ATG7: variants seen among roughly 807,000 people sequenced by gnomAD.
The protein encoded by ATG7 is ubiquitin-like modifier-activating enzyme ATG7.
A neutral mutation model predicts 82.4 loss-of-function variants in ATG7; 70 were observed. That is an observed-to-expected ratio of 0.85 (90% CI 0.70 to 1.04). The LOEUF (loss-of-function observed/expected upper bound fraction) is 1.04, where lower values mean the gene tolerates loss of function less well. Among genes scored for constraint, ATG7 ranks in the 50% least tolerant of loss-of-function variants. The pLI, the probability that ATG7 is intolerant of heterozygous loss-of-function variation, is 0.00. For missense variants in ATG7, 792 were observed against 864.3 expected (o/e 0.92, Z 1.05); for synonymous variants, 287 against 313.0 (o/e 0.92, Z 0.88).
At chr3:11,527,190 T>C (rs1316148731) in intron 20 of ATG7, among the ~76,000 whole-genome samples, 1 of 151,888 alleles carries the variant, frequency 6.6e-6, no homozygotes, top group Non-Finnish European at 1.5e-5. Context: ...CTGCAACCTC[T>C]GCCTCCCAAG....
intron 9 of ATG7, among the ~76,000 whole-genome samples, chr3:11,316,807 A>T (rs1268917221): frequency 2.0e-5 from 3 of 152,238 alleles, no homozygotes; most frequent in Admixed American, 6.5e-5. Flanking sequence ...ATCAAAGATT[A>T]TGAGTGTTAT....
chr3:11,570,739 T>C, the ATG7 span, among the ~76,000 whole-genome samples: 1 of 152,164 alleles, frequency 6.6e-6, no homozygotes, highest in Non-Finnish European at 1.5e-5. Context: ...TAAACAGTGG[T>C]GAGATGTCTT....
rs142767171 is a variant in ATG7 at position 11,401,378 on chromosome 3, G to A, written c.1956+21326G>A. Among the ~76,000 whole-genome samples the A allele has an allele frequency of 6.6e-4, 101 of 152,116 alleles. 1 individual carries two copies. The highest frequency in any genetic ancestry group is 2.4e-3 in the African/African-American group (98 of 41,496). On this transcript the variant is annotated intron_variant, in intron 19 of 20. Transcript: ENST00000693202. ...TCCTTCAAATAATATCTTTGGTTTG[G>A]CTTATGTCAGTCAAGTATGTGTTGG...
At chr3:11,391,966 G>GC (rs1553640475) in intron 19 of ATG7, among the ~76,000 whole-genome samples, 26 of 138,478 alleles carry the variant, frequency 1.9e-4, no homozygotes, top group Non-Finnish European at 2.8e-4. Context: ...ATTGGGGGGG[G>GC]GGTAATTTCA....
chr3:11,506,703 C>T (rs2091751310), intron 20 of ATG7, among the ~76,000 whole-genome samples: 1 of 151,884 alleles, frequency 6.6e-6, no homozygotes. Flanking sequence ...GATTGTGCCA[C>T]TGCACTCCAG....
chr3:11,335,680 T>G (rs113789883), intron 11 of ATG7, among the ~76,000 whole-genome samples: 3 of 152,166 alleles, frequency 2.0e-5, no homozygotes, highest in Admixed American at 2.0e-4. Context: ...ATAAGGCTCA[T>G]GCTTGATGAT....
At chr3:11,309,796 T>C (rs1489983801) in intron 7 of ATG7, among the ~76,000 whole-genome samples, 1 of 152,202 alleles carries the variant, frequency 6.6e-6, no homozygotes, top group African/African-American at 2.4e-5. Context: ...CCTTTATTAT[T>C]ATATTGACTA....
chr3:11,341,442 CT>C lies in ATG7; in HGVS notation c.981-681del, dbSNP rs1169282258. Among the ~76,000 whole-genome samples, 183 of 143,996 alleles carry C rather than the reference CT, an allele frequency of 1.3e-3. No individual in the cohort carries two copies. In the Middle Eastern group the frequency reaches 0.015, roughly 11 times the overall value. The allele number at this position is 143,996 out of a possible 152,430, so 94.5% of individuals were successfully genotyped here. ...GTTTAAGGGCGAATCTCAGTGCACTCTTTTTTTTTTTTCTTTTTTTTTGAGA... is the reference window on the plus strand; with the variant it reads ...GTTTAAGGGCGAATCTCAGTGCACTCTTTTTTTTTTTCTTTTTTTTTGAGA... On this transcript the variant is annotated intron_variant, in intron 12 of 20. Coordinates refer to ENST00000693202, the MANE Select transcript of ATG7 (RefSeq NM_001349232.2).
At chr3:11,468,051 TTGA>T (rs1365402267) in intron 20 of ATG7, among the ~76,000 whole-genome samples, 2 of 152,222 alleles carry the variant, frequency 1.3e-5, no homozygotes, top group African/African-American at 2.4e-5. Context: ...TACTCAGCCT[TTGA>T]TGGCACAGTT....
chr3:11,512,248 G>A (rs996416475), intron 20 of ATG7, among the ~76,000 whole-genome samples: 12 of 152,020 alleles, frequency 7.9e-5, no homozygotes, highest in African/African-American at 1.2e-4. Context: ...CCCCTCCTTC[G>A]GCCAGCCCTG....
intron 3 of ATG7, among the ~76,000 whole-genome samples, chr3:11,288,117 C>G (rs1382669476): frequency 1.3e-5 from 2 of 152,228 alleles, no homozygotes; most frequent in African/African-American, 4.8e-5. Context: ...TTGCCAGACC[C>G]TGGTCTTGTC....
intron 20 of ATG7, among the ~76,000 whole-genome samples, chr3:11,525,801 G>A (rs754341721): frequency 5.3e-5 from 8 of 151,862 alleles, no homozygotes; most frequent in Non-Finnish European, 8.8e-5. Context: ...TGATCTGCCC[G>A]CCTCGGCCTC....
At chr3:11,558,102 A>C (rs2072607993), downstream of ATG7, 1 of 175,002 alleles carries the variant, frequency 5.7e-6, no homozygotes, top group African/African-American at 2.4e-5. Context: ...GTTCTCTTCA[A>C]GTATACACAC....
intron 18 of ATG7, among the ~76,000 whole-genome samples, chr3:11,368,403 T>C (rs913082749): frequency 6.6e-6 from 1 of 151,858 alleles, no homozygotes; most frequent in Non-Finnish European, 1.5e-5. Flanking sequence ...CTCCAGGAAG[T>C]TGGTTTGCCG....
chr3:11,532,917 T>C (rs1212857982), intron 20 of ATG7, among the ~76,000 whole-genome samples: 1 of 152,242 alleles, frequency 6.6e-6, no homozygotes, highest in Admixed American at 6.5e-5. Context: ...TGAGTCTTGT[T>C]ATCTTTGCAC....
chr3:11,333,643 T>C (rs1211993692), intron 11 of ATG7, among the ~76,000 whole-genome samples: 1 of 152,030 alleles, frequency 6.6e-6, no homozygotes, highest in East Asian at 1.9e-4. Context: ...TGTGTGTGTG[T>C]GTATATATAT....
chr3:11,402,041 A>G (rs2079882412), intron 19 of ATG7, among the ~76,000 whole-genome samples: 1 of 152,168 alleles, frequency 6.6e-6, no homozygotes, highest in Admixed American at 6.6e-5. Context: ...ACATGTAAAT[A>G]CCCATGCAAC....
chr3:11,504,147 C>T (rs757519939), intron 20 of ATG7, among the ~76,000 whole-genome samples: 21 of 151,928 alleles, frequency 1.4e-4, no homozygotes, highest in African/African-American at 3.1e-4. Context: ...AAAAGACAGT[C>T]GAGAGGGGGA....
At chr3:11,359,100 G>T (rs1364438308) in intron 15 of ATG7, among the ~76,000 whole-genome samples, 1 of 151,972 alleles carries the variant, frequency 6.6e-6, no homozygotes, top group Non-Finnish European at 1.5e-5. Context: ...TACCAATTAT[G>T]TTTATATATA....
Sources: allele counts gnomAD v4.1 joint callset (sites outside exome capture counted in the v4.1 genomes callset), GRCh38; gene constraint gnomAD v4.1.1; transcripts MANE v1.5; gene names NCBI Gene and HGNC (gene_info 2026-07-23, HGNC 2026-07-21).